Variants in TENM2 observed in about 807,000 individuals in gnomAD.
TENM2 encodes the protein teneurin-2.
A neutral mutation model predicts 245.2 loss-of-function variants in TENM2; 52 were observed. The observed-to-expected ratio is 0.21, with a 90% CI of 0.17 to 0.27. The LOEUF (loss-of-function observed/expected upper bound fraction) is 0.27. Ranked by LOEUF, TENM2 falls within the 10% of genes least tolerant of loss-of-function variation. The pLI is 1.00. For missense variants in TENM2, 3,046 were observed against 3,666.8 expected, an observed-to-expected ratio of 0.83 and a Z score of 4.37; for synonymous variants, 1,363 against 1,438.9, an observed-to-expected ratio of 0.95 and a Z score of 1.19.
intron 2 of TENM2, among the ~76,000 whole-genome samples, chr5:167,751,101 G>C (rs977025101): frequency 1.3e-5 from 2 of 152,124 alleles, no homozygotes; most frequent in African/African-American, 4.8e-5. Flanking sequence ...AAAGGACAGG[G>C]TTGCCAGGGT....
At chr5:167,652,054 T>C (rs1754505659) in intron 2 of TENM2, among the ~76,000 whole-genome samples, 1 of 152,174 alleles carries the variant, frequency 6.6e-6, no homozygotes, top group Non-Finnish European at 1.5e-5. Context: ...CTTTTTCTCT[T>C]TCCCTTGCTA....
chr5:167,985,723 A>T (rs1255939199), intron 4 of TENM2, among the ~76,000 whole-genome samples: 2 of 152,214 alleles, frequency 1.3e-5, no homozygotes, highest in Non-Finnish European at 2.9e-5. Context: ...AAGCCAAAAC[A>T]ACAGAAAATA....
At chr5:167,038,766 A>T in the TENM2 span, among the ~76,000 whole-genome samples, 1 of 152,100 alleles carries the variant, frequency 6.6e-6, no homozygotes, top group South Asian at 2.1e-4. Context: ...GCTTTTAGAG[A>T]TTATTAAGAA....
At chr5:167,293,319 A>G (rs1034582632) in intron 1 of TENM2, among the ~76,000 whole-genome samples, 1 of 151,388 alleles carries the variant, frequency 6.6e-6, no homozygotes, top group Non-Finnish European at 1.5e-5. Flanking sequence ...CTCCTGCCTC[A>G]GCCTCCCAAG....
At chr5:167,993,107 T>C (rs2152011810) in exon 5 of TENM2, 2 of 1,614,036 alleles carry the variant, frequency 1.2e-6, no homozygotes, top group East Asian at 2.2e-5. Context: ...CTCCAAATAC[T>C]GCAGCTGGAA....
At chr5:167,606,549 G>A (rs1180785182) in intron 2 of TENM2, among the ~76,000 whole-genome samples, 1 of 152,104 alleles carries the variant, frequency 6.6e-6, no homozygotes, top group African/African-American at 2.4e-5. Context: ...CATCACATTG[G>A]AGGGCTAGGG....
Position 168,244,776 on chromosome 5 carries a change from C to CTTT in TENM2, c.5817+69_5817+71dup. The CTTT allele has an allele frequency of 3.7e-6, 4 of 1,082,442 alleles. No homozygotes were observed. The highest frequency in any genetic ancestry group is 3.6e-6 in the Non-Finnish European group (3 of 827,824). 67.1% of individuals were successfully genotyped at this position (1,082,442 alleles called of 1,614,324 possible). On this transcript the variant is annotated intron_variant, in intron 26 of 28. Coordinates refer to ENST00000518659, the Ensembl canonical transcript of TENM2. The surrounding 1 kb of genome is among the most constrained non-coding windows in gnomAD (Gnocchi z 4.9). ...TCTGTTATTTCTGTTATTCCGGCTT[C>CTTT]TTTTTTTTTTTGAGACAGAGACTTG... is the stretch of plus-strand genomic sequence containing the variant.
At position 167,586,224 on chromosome 5, in the gene TENM2, A is replaced by G. The variant is rs138109518; in HGVS notation, c.502+210751A>G. Reference sequence around the variant, plus strand: ...ACATAGCATTTACATTATATTAGGTATTACAAGTAATCTAGAGATGATTTA... The same window carrying G: ...ACATAGCATTTACATTATATTAGGTGTTACAAGTAATCTAGAGATGATTTA... On this transcript the variant is annotated intron_variant, in intron 2 of 28. Coordinates refer to ENST00000518659, the Ensembl canonical transcript of TENM2. Among the ~76,000 whole-genome samples, 1,033 of 152,354 alleles carry G rather than the reference A, an allele frequency of 6.8e-3. 13 individuals are homozygous for G. The highest frequency in any genetic ancestry group is 0.024 in the African/African-American group (985 of 41,582).
At chr5:167,018,444 C>A in the TENM2 span, among the ~76,000 whole-genome samples, 25 of 151,522 alleles carry the variant, frequency 1.6e-4, no homozygotes, top group East Asian at 4.5e-3. Context: ...CAACATAAAC[C>A]AGACGTCATC....
intron 2 of TENM2, among the ~76,000 whole-genome samples, chr5:167,852,318 C>T (rs750792814): frequency 9.9e-5 from 15 of 152,148 alleles, no homozygotes; most frequent in Admixed American, 5.9e-4. Context: ...AAGCAATCAG[C>T]GCATGACTGT....
intron 2 of TENM2, among the ~76,000 whole-genome samples, chr5:167,765,692 A>C (rs1220376707): frequency 6.6e-6 from 1 of 152,194 alleles, no homozygotes; most frequent in Non-Finnish European, 1.5e-5. Flanking sequence ...ATTCGTGTTA[A>C]TGTCAAAATT....
At chr5:167,600,826 T>C (rs904672584) in intron 2 of TENM2, among the ~76,000 whole-genome samples, 6 of 152,236 alleles carry the variant, frequency 3.9e-5, no homozygotes, top group African/African-American at 1.4e-4. Context: ...AGAATTGATT[T>C]CTGGGTTTTT....
chr5:167,009,718 A>ATC, the TENM2 span, among the ~76,000 whole-genome samples: 2 of 152,154 alleles, frequency 1.3e-5, no homozygotes, highest in African/African-American at 4.8e-5. Context: ...ATCACAGGGA[A>ATC]GGAGCAACCC....
chr5:168,061,934 TG>T lies in TENM2; in HGVS notation c.1310-125del, dbSNP rs1354195968. On this transcript the variant is annotated intron_variant, in intron 6 of 28. Transcript: ENST00000518659. ...TTTAGCTGTAACTTAAAAAGAAACT[TG>T]CCATGAGTTTAATCTTAATATTAAA... The T allele has an allele frequency of 1.8e-5, 15 of 853,956 alleles. No homozygotes were observed. In the East Asian group the frequency reaches 3.7e-4, roughly 21 times the overall value. 52.9% of individuals were successfully genotyped at this position (853,956 alleles called of 1,614,324 possible).
intron 2 of TENM2, among the ~76,000 whole-genome samples, chr5:167,811,412 T>A (rs565807160): frequency 6.6e-6 from 1 of 152,194 alleles, no homozygotes; most frequent in Admixed American, 6.5e-5. Context: ...GACCCCACCA[T>A]GTGAGGTGCA....
chr5:167,061,189 G>T, the TENM2 span, among the ~76,000 whole-genome samples: 2 of 152,200 alleles, frequency 1.3e-5, no homozygotes, highest in African/African-American at 2.4e-5. Flanking sequence ...TATTGGAAGA[G>T]AAAGTAGTCT....
chr5:167,245,651 G>A, the TENM2 span, among the ~76,000 whole-genome samples: 1 of 151,742 alleles, frequency 6.6e-6, no homozygotes, highest in Non-Finnish European at 1.5e-5. Flanking sequence ...AATAAGTTAT[G>A]GAACATCAAA....
At chr5:167,227,718 TA>T in the TENM2 span, among the ~76,000 whole-genome samples, 1 of 152,248 alleles carries the variant, frequency 6.6e-6, no homozygotes, top group Non-Finnish European at 1.5e-5. Context: ...AGTTTGACTG[TA>T]ATGTGCCATG....
intron 20 of TENM2, among the ~76,000 whole-genome samples, chr5:168,214,414 T>G (rs1441881453): frequency 6.6e-6 from 1 of 152,214 alleles, no homozygotes; most frequent in Non-Finnish European, 1.5e-5. Flanking sequence ...GTCTCAGTAA[T>G]TCAGATTCCA....
Sources: gnomAD v4.1 joint callset for allele counts (sites outside exome capture counted in the v4.1 genomes callset) on GRCh38, gnomAD v4.1.1 for gene constraint, Gnocchi (gnomAD v3.1) non-coding constraint, MANE v1.5 for transcripts, NCBI Gene and HGNC (gene_info 2026-07-23, HGNC 2026-07-21) for gene names.